The following PCDHGA3 variants were observed in gnomAD, a reference collection of about 807,000 sequenced individuals.
PCDHGA3 encodes protocadherin gamma subfamily A, 3, also known as protocadherin gamma-A3.
PCDHGA3 carries 40 observed loss-of-function variants against 58.5 expected under a neutral mutation model. That is an observed-to-expected ratio of 0.68 (90% confidence interval 0.53 to 0.89). PCDHGA3 has a LOEUF of 0.89. PCDHGA3 is among the 40% of genes least tolerant of loss of function. PCDHGA3 has a pLI of 0.00. For synonymous variants in PCDHGA3, 530 were observed against 525.7 expected, an observed-to-expected ratio of 1.01 and a Z score of -0.11; for missense variants, 1,223 against 1,195.9, an observed-to-expected ratio of 1.02 and a Z score of -0.33.
intron 2 of PCDHGA3, 22 bp from the exon 3 acceptor site, chr5:141,505,371 C>G: frequency 1.2e-6 from 2 of 1,613,980 alleles, no homozygotes; most frequent in Non-Finnish European, 1.7e-6. Context: ...AGTCTGTGCT[C>G]ACCATCCTAC....
rs1757333938 is a variant in PCDHGA3, at chr5:141,343,860, C to G, written c.-174C>G. The G allele has an allele frequency of 1.8e-6, 1 of 556,992 alleles. No individual in the cohort carries two copies. The highest frequency in any genetic ancestry group is 3.1e-6 in the Non-Finnish European group (1 of 323,784). The allele number at this position is 556,992 out of a possible 1,614,324, so 34.5% of individuals were successfully genotyped here. On this transcript the variant is annotated 5_prime_UTR_variant, in exon 1 of 4. Transcript: ENST00000253812. Reference sequence around the variant, plus strand: ...TCCTTGCTCCTAAAATGCAAAGAACCAGCAAATCAGACTCAGAAGATCCGG... The same window carrying G: ...TCCTTGCTCCTAAAATGCAAAGAACGAGCAAATCAGACTCAGAAGATCCGG...
At chr5:141,422,330 CTCT>C in intron 1 of PCDHGA3, 1 of 1,548,166 alleles carries the variant, frequency 6.5e-7, no homozygotes, top group East Asian at 2.2e-5. Context: ...ACAGTGATTG[CTCT>C]TCTAAATGTG....
At chr5:141,384,521 C>T (rs1255804611) in intron 1 of PCDHGA3, 3 of 1,614,122 alleles carry the variant, frequency 1.9e-6, no homozygotes, top group Non-Finnish European at 1.7e-6. Flanking sequence ...GGGGACCCGC[C>T]TCTCAGCAGC....
At chr5:141,363,369 A>G (rs1274938037) in intron 1 of PCDHGA3, among the ~76,000 whole-genome samples, 1 of 152,198 alleles carries the variant, frequency 6.6e-6, no homozygotes, top group Non-Finnish European at 1.5e-5. Context: ...TTTTCAATCA[A>G]GAGGTTTTTC....
At chr5:141,366,835 A>C (rs1011938968) in intron 1 of PCDHGA3, 2 of 1,511,404 alleles carry the variant, frequency 1.3e-6, no homozygotes, top group Non-Finnish European at 1.8e-6. Flanking sequence ...AGAATCAGCT[A>C]GTTATGTAAA....
chr5:141,409,248 T>A (rs779725312), intron 1 of PCDHGA3: 3 of 1,614,032 alleles, frequency 1.9e-6, no homozygotes, highest in South Asian at 2.2e-5. Context: ...GAAATAATCA[T>A]CACTTCTCTC....
At chr5:141,382,344 A>T (rs1323658613) in intron 1 of PCDHGA3, among the ~76,000 whole-genome samples, 1 of 152,224 alleles carries the variant, frequency 6.6e-6, no homozygotes, top group Non-Finnish European at 1.5e-5. Context: ...AAAATCTTTC[A>T]TATGTATTTA....
rs1334650353 is a variant in PCDHGA3, at chr5:141,493,099, A to T, written c.2425-1708A>T. Among the ~76,000 whole-genome samples, 1 of 152,192 alleles carries T rather than the reference A, an allele frequency of 6.6e-6. No homozygotes were observed. Among genetic ancestry groups the T allele is most frequent in the East Asian group, 1.9e-4 (1 of 5,198 alleles). On this transcript the variant is annotated intron_variant, in intron 1 of 3. Coordinates refer to ENST00000253812, the MANE Select transcript of PCDHGA3 (RefSeq NM_018916.4). This position sits in a 1 kb window ranked among gnomAD's most constrained non-coding sequence, Gnocchi z 4.3. ...CTCCAGGAGCTTTTATTCAAAATAT[A>T]TCAATGCCTAACTCTGCTCCTAGGA... is the stretch of plus-strand genomic sequence containing the variant.
chr5:141,383,435 C>T (rs749433529), intron 1 of PCDHGA3: 1 of 1,613,988 alleles, frequency 6.2e-7, no homozygotes, highest in Non-Finnish European at 8.5e-7. Context: ...CGCCACTTCT[C>T]CCTGGCTGTG....
chr5:141,400,728 T>C, intron 1 of PCDHGA3: 1 of 648,188 alleles, frequency 1.5e-6, no homozygotes. Context: ...ATTTACAAAG[T>C]AGTGAGAGTT....
At chr5:141,464,131 G>C (rs982496493) in intron 1 of PCDHGA3, among the ~76,000 whole-genome samples, 19 of 152,056 alleles carry the variant, frequency 1.2e-4, no homozygotes, top group Admixed American at 2.0e-4. Flanking sequence ...TGGGTGTGGT[G>C]GTGGGCGCCT....
At position 141,345,575 on chromosome 5, in the gene PCDHGA3, A is replaced by G. The variant is rs367782477; in HGVS notation, c.1542A>G (p.Leu514=). ...FVSINSNTGV[L]YALRSFDYEQ... ...CTATCAACTCCAACACTGGCGTCCT[A>G]TACGCGCTGAGATCCTTCGACTACG... is the stretch of plus-strand genomic sequence containing the variant. Residue 514 remains leucine (L), a synonymous_variant, in exon 1 of 4, where the codon CTA becomes CTG. Transcript: ENST00000253812. 5.6e-6 allele frequency: 9 copies of G among 1,614,058 alleles called. 1 individual carries two copies. The highest frequency in any genetic ancestry group is 5.3e-5 in the African/African-American group (4 of 74,912).
intron 1 of PCDHGA3, chr5:141,403,166 A>G (rs907710099): frequency 1.2e-6 from 2 of 1,614,002 alleles, no homozygotes; most frequent in Non-Finnish European, 1.7e-6. Flanking sequence ...TAGAGGTAGG[A>G]CGCAGCTTTT....
At position 141,490,543 on chromosome 5, in the gene PCDHGA3, C is replaced by T; in HGVS notation, c.2425-4264C>T. 2 of 1,614,188 alleles carry T rather than the reference C, an allele frequency of 1.2e-6. No homozygotes were observed. Among genetic ancestry groups the T allele is most frequent in the Non-Finnish European group, 8.5e-7 (1 of 1,180,024 alleles). On this transcript the variant is annotated intron_variant, in intron 1 of 3. Transcript: ENST00000253812. The surrounding 1 kb of genome is among the most constrained non-coding windows in gnomAD (Gnocchi z 5.4). ...CAGCGATGCTGGTTCACCTTCCCTA[C>T]ACAAACATCTCACCATCAGGCTCAA...
intron 1 of PCDHGA3, chr5:141,362,672 T>A: frequency 8.1e-7 from 1 of 1,241,688 alleles, no homozygotes; most frequent in Non-Finnish European, 1.1e-6. Context: ...TGTTGTGCCT[T>A]AATTGTCTTA....
chr5:141,382,990 A>T, intron 1 of PCDHGA3: 4 of 1,613,412 alleles, frequency 2.5e-6, no homozygotes, highest in Non-Finnish European at 3.4e-6. Context: ...GGCAGGACGT[A>T]TTCTCTACTC....
intron 1 of PCDHGA3, among the ~76,000 whole-genome samples, chr5:141,397,112 A>G (rs2093474994): frequency 6.6e-6 from 1 of 152,258 alleles, no homozygotes; most frequent in African/African-American, 2.4e-5. Flanking sequence ...GCAATCCACT[A>G]GAATATCCCT....
rs1418501785 is a variant in PCDHGA3, at chr5:141,346,303, T to A, written c.2270T>A (p.Val757Asp). ...RAFLQTYSHE[V>D]SLTADSRKSH... ...TTCCTGCAGACCTATTCCCACGAGG[T>A]CTCCCTCACTGCGGACTCGCGGAAG... Residue 757 changes from valine to aspartate, a missense_variant, in exon 1 of 4, where the codon GTC becomes GAC. Around this residue, in one of 3 missense-constraint regions of PCDHGA3, gnomAD observed 325 missense variants for 327.5 expected, o/e 0.99. Transcript: ENST00000253812. The A allele has an allele frequency of 6.8e-6, 11 of 1,613,820 alleles. No individual in the cohort carries two copies. The highest frequency in any genetic ancestry group is 8.5e-6 in the Non-Finnish European group (10 of 1,180,016).
chr5:141,477,878 C>A lies in PCDHGA3; in HGVS notation c.2425-16929C>A. ...GCTGCCTCGAGGTACCTCAGCTGGC[C>A]ACCTAGTGTCACGGGTGGTAGGCTG... is the stretch of plus-strand genomic sequence containing the variant. On this transcript the variant is annotated intron_variant, in intron 1 of 3. Transcript: ENST00000253812. The surrounding 1 kb of genome is among the most constrained non-coding windows in gnomAD (Gnocchi z 4.9). 1.2e-6 allele frequency: 2 copies of A among 1,614,158 alleles called. No individual in the cohort carries two copies. Among genetic ancestry groups the A allele is most frequent in the Non-Finnish European group, 1.7e-6 (2 of 1,180,008 alleles).
Sources: allele counts gnomAD v4.1 joint callset (sites outside exome capture counted in the v4.1 genomes callset), GRCh38; gene constraint gnomAD v4.1.1; regional missense constraint gnomAD v4.1.1; non-coding constraint Gnocchi (gnomAD v3.1); transcripts MANE v1.5; gene names NCBI Gene and HGNC (gene_info 2026-07-23, HGNC 2026-07-21).